The following MAML2 variants were observed in gnomAD, a reference collection of about 807,000 sequenced individuals.
MAML2 encodes the protein mastermind like transcriptional coactivator 2.
In MAML2, 22 loss-of-function variants were observed where a neutral mutation model predicts 96.1. The ratio of observed to expected loss-of-function variants is 0.23; its 90% CI spans 0.16 to 0.33. MAML2 has a LOEUF of 0.33. MAML2 is among the 10% of genes least tolerant of loss of function. The probability of loss-of-function intolerance (pLI) is 1.00; values close to 1 mark genes in which losing one functional copy is unlikely to be tolerated. For missense variants in MAML2, 1,367 were observed against 1,392.4 expected, an observed-to-expected ratio of 0.98 and a Z score of 0.29; for synonymous variants, 561 against 521.3, an observed-to-expected ratio of 1.08 and a Z score of -1.04.
chr11:96,132,967 G>A (rs1388052200), intron 1 of MAML2, among the ~76,000 whole-genome samples: 2 of 152,118 alleles, frequency 1.3e-5, no homozygotes, highest in East Asian at 1.9e-4. Flanking sequence ...ACTTTCTGAT[G>A]CTTATGGATA....
chr11:96,327,795 T>C (rs1349431271), intron 1 of MAML2, among the ~76,000 whole-genome samples: 2 of 152,084 alleles, frequency 1.3e-5, no homozygotes, highest in African/African-American at 4.8e-5. Context: ...CTTCCGTTCA[T>C]ATATATTAAA....
chr11:96,081,198 TCTTCC>T (rs1859523983), intron 2 of MAML2, among the ~76,000 whole-genome samples: 1 of 152,074 alleles, frequency 6.6e-6, no homozygotes, highest in South Asian at 2.1e-4. Flanking sequence ...TTGAAATACA[TCTTCC>T]GAAAACATTA....
chr11:96,133,879 A>C (rs1408579548), intron 1 of MAML2, among the ~76,000 whole-genome samples: 1 of 152,214 alleles, frequency 6.6e-6, no homozygotes, highest in Non-Finnish European at 1.5e-5. Flanking sequence ...CTCTAGTCCC[A>C]GCTACTCAAG....
intron 1 of MAML2, among the ~76,000 whole-genome samples, chr11:96,304,089 C>T (rs1863430752): frequency 6.6e-6 from 1 of 152,170 alleles, no homozygotes; most frequent in South Asian, 2.1e-4. Flanking sequence ...ACAGAATCTG[C>T]TCATTCCAGT....
intron 2 of MAML2, among the ~76,000 whole-genome samples, chr11:96,060,251 CA>C (rs1374865356): frequency 1.3e-5 from 2 of 152,136 alleles, no homozygotes; most frequent in Non-Finnish European, 2.9e-5. Context: ...TTTAAGTAGA[CA>C]AAACATGCAG....
intron 1 of MAML2, among the ~76,000 whole-genome samples, chr11:96,141,146 G>A (rs549906010): frequency 6.6e-5 from 10 of 152,244 alleles, no homozygotes; most frequent in Middle Eastern, 3.4e-3. Context: ...AGGATGACAT[G>A]ACATCCTTCT....
intron 1 of MAML2, among the ~76,000 whole-genome samples, chr11:96,207,785 C>T (rs777370563): frequency 6.6e-6 from 1 of 152,212 alleles, no homozygotes. Flanking sequence ...TTGCCATTAT[C>T]GAATAAAGAA....
intron 2 of MAML2, among the ~76,000 whole-genome samples, chr11:96,004,771 T>C (rs1340629508): frequency 1.3e-5 from 2 of 152,224 alleles, no homozygotes; most frequent in African/African-American, 2.4e-5. Context: ...AATTGCTGTA[T>C]GGCTTGAATA....
intron 1 of MAML2, among the ~76,000 whole-genome samples, chr11:96,252,719 G>C (rs1862602257): frequency 6.6e-6 from 1 of 152,196 alleles, no homozygotes; most frequent in Admixed American, 6.5e-5. Context: ...CCTGAGGCAA[G>C]AGAAGTTAGA....
intron 1 of MAML2, among the ~76,000 whole-genome samples, chr11:96,096,501 T>C (rs1234574803): frequency 6.6e-6 from 1 of 152,200 alleles, no homozygotes; most frequent in Non-Finnish European, 1.5e-5. Context: ...TTGAGTATCT[T>C]TTCAAAGGAC....
intron 1 of MAML2, among the ~76,000 whole-genome samples, chr11:96,202,323 C>A (rs1293815562): frequency 8.8e-5 from 13 of 147,612 alleles, no homozygotes; most frequent in African/African-American, 3.3e-4. Context: ...TGCACTCCAG[C>A]CTGGGTGACA....
chr11:96,081,719 T>C (rs1859532276), intron 2 of MAML2, among the ~76,000 whole-genome samples: 1 of 152,208 alleles, frequency 6.6e-6, no homozygotes, highest in Non-Finnish European at 1.5e-5. Flanking sequence ...AGGCCCTGTG[T>C]TCGTTGTATA....
chr11:96,214,646 T>TA (rs1862021338), intron 1 of MAML2, among the ~76,000 whole-genome samples: 3 of 152,182 alleles, frequency 2.0e-5, no homozygotes, highest in Admixed American at 2.0e-4. Context: ...GAGAAGCACT[T>TA]ATAGTCATGC....
At chr11:96,294,335 C>T (rs1295317158) in intron 1 of MAML2, among the ~76,000 whole-genome samples, 1 of 151,636 alleles carries the variant, frequency 6.6e-6, no homozygotes, top group Non-Finnish European at 1.5e-5. Context: ...AAAAAAATTA[C>T]TGATTTTGTA....
chr11:96,086,700 G>A (rs552015093), intron 2 of MAML2, among the ~76,000 whole-genome samples: 2 of 152,218 alleles, frequency 1.3e-5, no homozygotes, highest in East Asian at 3.9e-4. Flanking sequence ...TTGGCAAATA[G>A]CAGGCACACA....
rs962404616 is a variant in MAML2 at position 96,342,386 on chromosome 11, T to G, written c.-491A>C. The G allele has an allele frequency of 1.0e-4, 41 of 399,628 alleles. No individual in the cohort carries two copies. The highest frequency in any genetic ancestry group is 6.2e-4 in the Middle Eastern group (1 of 1,610). 24.8% of individuals were successfully genotyped at this position (399,628 alleles called of 1,614,324 possible). ...CGACAATTCTTTATGGGGATGTTTC[T>G]GCAGAGAAACACATTTCTACCATGT... On this transcript the variant is annotated 5_prime_UTR_variant, in exon 1 of 5. Transcript: ENST00000524717.
chr11:96,264,291 G>A (rs1235165890), intron 1 of MAML2, among the ~76,000 whole-genome samples: 1 of 152,076 alleles, frequency 6.6e-6, no homozygotes, highest in Non-Finnish European at 1.5e-5. Flanking sequence ...TTTTTTATAA[G>A]GCCCAGACCC....
chr11:96,179,921 C>T (rs1861456141), intron 1 of MAML2, among the ~76,000 whole-genome samples: 1 of 152,338 alleles, frequency 6.6e-6, no homozygotes, highest in East Asian at 1.9e-4. Flanking sequence ...GCTGACATTG[C>T]TTTCTAGCCA....
At chr11:96,317,265 T>C (rs1863645026) in intron 1 of MAML2, among the ~76,000 whole-genome samples, 1 of 152,184 alleles carries the variant, frequency 6.6e-6, no homozygotes, top group Non-Finnish European at 1.5e-5. Flanking sequence ...GAAGCATAGA[T>C]AGCTTTAAAA....
Sources: allele counts gnomAD v4.1 joint callset (sites outside exome capture counted in the v4.1 genomes callset), GRCh38; gene constraint gnomAD v4.1.1; transcripts MANE v1.5; gene names NCBI Gene and HGNC (gene_info 2026-07-23, HGNC 2026-07-21).